Variants in KIRREL3 observed in about 807,000 individuals in gnomAD.
KIRREL3 encodes kin of IRRE-like protein 3.
A neutral mutation model predicts 89.7 loss-of-function variants in KIRREL3; 36 were observed. The observed-to-expected ratio is 0.40, with a 90% CI of 0.31 to 0.53. The LOEUF is 0.53. Among genes scored for constraint, KIRREL3 ranks in the 20% least tolerant of loss-of-function variants. The pLI, the probability that KIRREL3 is intolerant of heterozygous loss-of-function variation, is 0.49. For synonymous variants in KIRREL3, 445 were observed against 441.4 expected, an observed-to-expected ratio of 1.01 and a Z score of -0.10; for missense variants, 864 against 1,056.6, an observed-to-expected ratio of 0.82 and a Z score of 2.53.
Position 126,563,354 on chromosome 11 carries a change from C to T in KIRREL3, c.56-442G>A, listed in dbSNP as rs1940270010. Among the ~76,000 whole-genome samples, 1 of 152,164 alleles carries T rather than the reference C, an allele frequency of 6.6e-6. No homozygotes were observed. The highest frequency in any genetic ancestry group is 1.5e-5 in the Non-Finnish European group (1 of 68,028). On this transcript the variant is annotated intron_variant, in intron 1 of 16. Transcript: ENST00000525144. The surrounding 1 kb of genome is among the most constrained non-coding windows in gnomAD (Gnocchi z 6.8). ...CTGCCAGGGATGATGCAGAATCTAT[C>T]CAGTCGTGTCTAGGATGGAACAGTG... is the stretch of plus-strand genomic sequence containing the variant.
At chr11:126,864,126 G>T (rs561057437) in intron 1 of KIRREL3, among the ~76,000 whole-genome samples, 1 of 152,324 alleles carries the variant, frequency 6.6e-6, no homozygotes, top group Admixed American at 6.5e-5. Flanking sequence ...AAAGTATAGA[G>T]CAGGATGCAA....
chr11:126,845,026 C>T (rs924591594), intron 1 of KIRREL3, among the ~76,000 whole-genome samples: 1 of 152,102 alleles, frequency 6.6e-6, no homozygotes, highest in Non-Finnish European at 1.5e-5. Flanking sequence ...CTCAGGGCAA[C>T]CATCTTGGCC....
chr11:126,748,213 C>T lies in KIRREL3; in HGVS notation c.56-185301G>A, dbSNP rs150634821. On this transcript the variant is annotated intron_variant, in intron 1 of 16. Transcript: ENST00000525144. The surrounding 1 kb of genome is among the most constrained non-coding windows in gnomAD (Gnocchi z 4.6). Reference sequence around the variant, plus strand: ...AAGAAGCTGCCTGGATGCTTTCTGGCCTTCTGGGTGTGCAGACAATCTCAC... The same window carrying T: ...AAGAAGCTGCCTGGATGCTTTCTGGTCTTCTGGGTGTGCAGACAATCTCAC... 3.3e-3 allele frequency among the ~76,000 whole-genome samples: 499 copies of T among 152,306 alleles called. 4 individuals carry two copies. Among genetic ancestry groups the T allele is most frequent in the African/African-American group, 0.011 (476 of 41,576 alleles).
rs779786268 is a variant in KIRREL3, at chr11:126,837,435, G to C, written c.55+163020C>G. Among the ~76,000 whole-genome samples the C allele has an allele frequency of 2.0e-5, 3 of 152,198 alleles. No individual in the cohort carries two copies. Among genetic ancestry groups the C allele is most frequent in the Non-Finnish European group, 4.4e-5 (3 of 68,040 alleles). On this transcript the variant is annotated intron_variant, in intron 1 of 16. Coordinates refer to ENST00000525144, the MANE Select transcript of KIRREL3 (RefSeq NM_032531.4). The surrounding 1 kb of genome is among the most constrained non-coding windows in gnomAD (Gnocchi z 4.7). ...TTAGATAAGGACATGTCTAGACTCAGAGTGGAAGAGAAACCTGGTGAATTG... is the reference window on the plus strand; with the variant it reads ...TTAGATAAGGACATGTCTAGACTCACAGTGGAAGAGAAACCTGGTGAATTG...
At chr11:126,493,674 A>AAAG (rs1555123189) in intron 4 of KIRREL3, among the ~76,000 whole-genome samples, 3 of 150,812 alleles carry the variant, frequency 2.0e-5, no homozygotes, top group African/African-American at 7.3e-5. Flanking sequence ...AAAAAAAAAA[A>AAAG]AGAGAGAATT....
At chr11:126,886,545 C>T (rs1465608486) in intron 1 of KIRREL3, among the ~76,000 whole-genome samples, 1 of 152,198 alleles carries the variant, frequency 6.6e-6, no homozygotes, top group Non-Finnish European at 1.5e-5. Context: ...TGCTACATTC[C>T]AAAACAGGTG....
At chr11:126,865,018 C>G (rs751753707) in intron 1 of KIRREL3, among the ~76,000 whole-genome samples, 2 of 152,138 alleles carry the variant, frequency 1.3e-5, no homozygotes, top group Non-Finnish European at 2.9e-5. Flanking sequence ...TGTGCATGAA[C>G]CCACCCATAC....
chr11:126,560,168 T>C (rs907217368), intron 2 of KIRREL3, among the ~76,000 whole-genome samples: 3 of 152,232 alleles, frequency 2.0e-5, no homozygotes, highest in Non-Finnish European at 4.4e-5. Context: ...GTGATATTGT[T>C]ATGGCTAGTC....
rs1214560432 is a variant in KIRREL3, at chr11:126,521,672, CTGTATGTGTGTGTGTGTGTG to C, written c.284-228_284-209del. On this transcript the variant is annotated intron_variant, in intron 3 of 16. Transcript: ENST00000525144. This position sits in a 1 kb window ranked among gnomAD's most constrained non-coding sequence, Gnocchi z 4.1. ...AGGTGTTGGTTCTCTCTCTCTCTCT[CTGTATGTGTGTGTGTGTGTG>C]TGTGTGTGTGTGTGTGTGTGTGTGT... is the stretch of plus-strand genomic sequence containing the variant. Among the ~76,000 whole-genome samples the C allele has an allele frequency of 4.9e-4, 21 of 42,976 alleles. No individual in the cohort carries two copies. Among genetic ancestry groups the C allele is most frequent in the African/African-American group, 2.0e-3 (11 of 5,518 alleles). The allele number at this position is 42,976 out of a possible 152,430, so 28.2% of individuals were successfully genotyped here. A position where few individuals can be genotyped will look rare whatever the true frequency, so the allele number is the denominator to read the frequency against.
chr11:126,674,771 C>T (rs1410793627), intron 1 of KIRREL3, among the ~76,000 whole-genome samples: 1 of 152,194 alleles, frequency 6.6e-6, no homozygotes, highest in African/African-American at 2.4e-5. Context: ...TTGCTGGTCA[C>T]AGTCAATGGA....
Position 126,424,648 on chromosome 11 carries a change from A to T in KIRREL3, c.2269T>A (p.Ser757Thr), listed in dbSNP as rs1322925152. Residue 757 changes from serine (S) to threonine (T), a missense_variant, in exon 17 of 17, where the codon TCC (serine) becomes ACC (threonine). Transcript: ENST00000525144. The part of the protein sequence containing the change: ...SKASASSSHH[S>T]QSSSQNSDPS... ...TCAGAGTTCTGGGACGAGGACTGGG[A>T]GTGGTGGGAGGAGGAAGCAGAAGCC... 3 of 1,613,778 alleles carry T rather than the reference A, an allele frequency of 1.9e-6. No individual in the cohort carries two copies. Among genetic ancestry groups the T allele is most frequent in the Non-Finnish European group, 2.5e-6 (3 of 1,179,878 alleles).
chr11:126,890,241 C>A lies in KIRREL3; in HGVS notation c.55+110214G>T, dbSNP rs191467743. Among the ~76,000 whole-genome samples the A allele has an allele frequency of 5.9e-5, 9 of 152,228 alleles. No homozygotes were observed. The highest frequency in any genetic ancestry group is 1.0e-4 in the Non-Finnish European group (7 of 68,022). On this transcript the variant is annotated intron_variant, in intron 1 of 16. Transcript: ENST00000525144. The surrounding 1 kb of genome is among the most constrained non-coding windows in gnomAD (Gnocchi z 5.1). ...GGCAGGTTCATGAAAGAGAAAGGGT[C>A]TTCTTCCTGAGCAGCCTTCCGAGAG... is the stretch of plus-strand genomic sequence containing the variant.
At chr11:126,786,419 T>A (rs182513818) in intron 1 of KIRREL3, among the ~76,000 whole-genome samples, 9 of 152,320 alleles carry the variant, frequency 5.9e-5, no homozygotes, top group South Asian at 2.1e-4. Flanking sequence ...AACTTTTTTT[T>A]AAATGTGTTA....
At chr11:126,447,572 C>T (rs961842440) in intron 8 of KIRREL3, among the ~76,000 whole-genome samples, 2 of 152,182 alleles carry the variant, frequency 1.3e-5, no homozygotes, top group Admixed American at 6.5e-5. Context: ...GTTCCACTTC[C>T]GACCCCTCTC....
chr11:126,907,747 G>A (rs1406581014), intron 1 of KIRREL3, among the ~76,000 whole-genome samples: 1 of 152,068 alleles, frequency 6.6e-6, no homozygotes, highest in Non-Finnish European at 1.5e-5. Flanking sequence ...TGGACACGAA[G>A]TCAGCAGGAT....
At chr11:126,831,626 C>A (rs1943611095) in intron 1 of KIRREL3, among the ~76,000 whole-genome samples, 2 of 152,162 alleles carry the variant, frequency 1.3e-5, no homozygotes, top group Admixed American at 1.3e-4. Flanking sequence ...TCAGCAATTG[C>A]AGAATGAGTC....
intron 1 of KIRREL3, among the ~76,000 whole-genome samples, chr11:126,648,398 G>A (rs1447274983): frequency 6.6e-6 from 1 of 152,188 alleles, no homozygotes; most frequent in African/African-American, 2.4e-5. Context: ...TGCCTGGGAT[G>A]TCCTGTCCTC....
At chr11:126,465,056 C>T (rs1402399964) in intron 5 of KIRREL3, among the ~76,000 whole-genome samples, 3 of 152,142 alleles carry the variant, frequency 2.0e-5, no homozygotes, top group Non-Finnish European at 2.9e-5. Flanking sequence ...AGGTGCACCC[C>T]GGGGAGGGTG....
chr11:126,959,596 C>T (rs1325554335), intron 1 of KIRREL3, among the ~76,000 whole-genome samples: 1 of 152,182 alleles, frequency 6.6e-6, no homozygotes, highest in Non-Finnish European at 1.5e-5. Flanking sequence ...TCCTGAACTC[C>T]AAGATACAAC....
Sources: gnomAD v4.1 joint callset for allele counts (sites outside exome capture counted in the v4.1 genomes callset) on GRCh38, gnomAD v4.1.1 for gene constraint, Gnocchi (gnomAD v3.1) non-coding constraint, MANE v1.5 for transcripts, NCBI Gene and HGNC (gene_info 2026-07-23, HGNC 2026-07-21) for gene names.